The following SLC35F3 variants were observed in gnomAD, a reference collection of about 807,000 sequenced individuals.
SLC35F3 encodes putative thiamine transporter SLC35F3.
SLC35F3 carries 25 observed loss-of-function variants against 49.9 expected under a neutral mutation model. The ratio of observed to expected loss-of-function variants is 0.50; its 90% CI spans 0.37 to 0.70. The LOEUF (loss-of-function observed/expected upper bound fraction) is 0.70, where lower values mean the gene tolerates loss of function less well. Among genes scored for constraint, SLC35F3 ranks in the 30% least tolerant of loss-of-function variants. The pLI, the probability that SLC35F3 is intolerant of heterozygous loss-of-function variation, is 0.00. For missense variants in SLC35F3, 525 were observed against 639.8 expected (o/e 0.82, Z 1.94); for synonymous variants, 275 against 265.4 (o/e 1.04, Z -0.35).
intron 2 of SLC35F3, among the ~76,000 whole-genome samples, chr1:234,048,463 C>T (rs1664325607): frequency 6.6e-6 from 1 of 152,238 alleles, no homozygotes; most frequent in South Asian, 2.1e-4. Flanking sequence ...AACAGTAGAG[C>T]TGTTTGGTTG....
intron 2 of SLC35F3, among the ~76,000 whole-genome samples, chr1:234,179,629 T>C (rs894238972): frequency 1.1e-4 from 16 of 152,230 alleles, no homozygotes; most frequent in African/African-American, 3.6e-4. Context: ...ATAGTCATCC[T>C]ACAGTTAATA....
intron 3 of SLC35F3, among the ~76,000 whole-genome samples, chr1:234,291,623 C>T (rs147367907): frequency 9.3e-4 from 142 of 152,256 alleles, no homozygotes; most frequent in African/African-American, 3.1e-3. Context: ...AGAGGCAGGT[C>T]TCACTCTGTT....
intron 2 of SLC35F3, among the ~76,000 whole-genome samples, chr1:234,140,785 T>G (rs1453434100): frequency 2.0e-5 from 3 of 152,134 alleles, no homozygotes; most frequent in East Asian, 3.8e-4. Context: ...CCTTGCTCAT[T>G]TAAAAAATAA....
chr1:234,034,327 A>T (rs552467256), intron 2 of SLC35F3, among the ~76,000 whole-genome samples: 4 of 152,216 alleles, frequency 2.6e-5, no homozygotes, highest in Non-Finnish European at 4.4e-5. Context: ...ACCAATTTGG[A>T]TGCCCTTTCT....
chr1:233,994,462 G>T (rs543750039), intron 2 of SLC35F3, among the ~76,000 whole-genome samples: 1 of 152,052 alleles, frequency 6.6e-6, no homozygotes, highest in South Asian at 2.1e-4. Context: ...TCAGAGTGTG[G>T]TGTGTATCAG....
chr1:234,100,297 A>G (rs1026786451), intron 2 of SLC35F3, among the ~76,000 whole-genome samples: 2 of 152,140 alleles, frequency 1.3e-5, no homozygotes, highest in African/African-American at 2.4e-5. Context: ...TATTTCTCCA[A>G]CGTCTGCCGA....
At chr1:234,064,166 T>C (rs1217169593) in intron 2 of SLC35F3, among the ~76,000 whole-genome samples, 2 of 152,134 alleles carry the variant, frequency 1.3e-5, no homozygotes, top group African/African-American at 4.8e-5. Context: ...TAGCCCTAGA[T>C]CCCCTCCATT....
At chr1:233,969,472 C>T (rs1383575952) in intron 2 of SLC35F3, among the ~76,000 whole-genome samples, 1 of 152,168 alleles carries the variant, frequency 6.6e-6, no homozygotes, top group African/African-American at 2.4e-5. Flanking sequence ...GCCGTTCCTG[C>T]CTTAGTGTGG....
At chr1:233,914,205 A>G (rs185160349) in intron 2 of SLC35F3, among the ~76,000 whole-genome samples, 41 of 152,220 alleles carry the variant, frequency 2.7e-4, no homozygotes, top group African/African-American at 9.9e-4. Context: ...CTCTCCTCCA[A>G]TTCGAGATTA....
At chr1:233,944,535 C>T (rs144241723) in intron 2 of SLC35F3, among the ~76,000 whole-genome samples, 78 of 152,282 alleles carry the variant, frequency 5.1e-4, no homozygotes, top group Non-Finnish European at 8.7e-4. Flanking sequence ...AGCTCATATC[C>T]ATCGAAGGTG....
chr1:234,148,691 T>A lies in SLC35F3; in HGVS notation c.284-82726T>A, dbSNP rs577621807. Among the ~76,000 whole-genome samples the A allele has an allele frequency of 2.6e-5, 4 of 152,278 alleles. No homozygotes were observed. In the East Asian group the frequency reaches 5.8e-4, roughly 22 times the overall value. On this transcript the variant is annotated intron_variant, in intron 2 of 7. Transcript: ENST00000366618. ...CTGCTTTACAAAGTATAGATGGTGG[T>A]TTGACAAAAACGAAAGCAGGGAGAC...
At chr1:234,001,970 G>A (rs73098501) in intron 2 of SLC35F3, among the ~76,000 whole-genome samples, 2,513 of 152,188 alleles carry the variant, frequency 0.017, 68 homozygotes, top group African/African-American at 0.057. Flanking sequence ...ATTTAAACAA[G>A]TGTGTTTGCT....
At chr1:234,260,850 C>A (rs150753517) in intron 3 of SLC35F3, among the ~76,000 whole-genome samples, 1 of 152,190 alleles carries the variant, frequency 6.6e-6, no homozygotes, top group East Asian at 1.9e-4. Flanking sequence ...AAGAACAAGA[C>A]ACTTTACTGC....
intron 2 of SLC35F3, among the ~76,000 whole-genome samples, chr1:233,950,137 A>C (rs1300172563): frequency 2.0e-5 from 3 of 152,102 alleles, no homozygotes; most frequent in African/African-American, 7.2e-5. Context: ...AGAGAAAATC[A>C]GGTATTTGGG....
At chr1:233,945,693 T>C (rs1662502505) in intron 2 of SLC35F3, among the ~76,000 whole-genome samples, 2 of 152,196 alleles carry the variant, frequency 1.3e-5, no homozygotes, top group Non-Finnish European at 2.9e-5. Flanking sequence ...GTTTCCCCCA[T>C]ACTGTTCTTG....
At chr1:234,301,740 A>AT (rs1398816385) in intron 3 of SLC35F3, among the ~76,000 whole-genome samples, 1 of 152,224 alleles carries the variant, frequency 6.6e-6, no homozygotes, top group Non-Finnish European at 1.5e-5. Flanking sequence ...ACTTGCACAC[A>AT]TATGTTTATT....
chr1:234,262,171 G>A (rs1667914907), intron 3 of SLC35F3, among the ~76,000 whole-genome samples: 1 of 152,176 alleles, frequency 6.6e-6, no homozygotes, highest in African/African-American at 2.4e-5. Flanking sequence ...CAAAGGGGAG[G>A]GAGTTACTTT....
At chr1:233,918,702 G>C (rs1662009871) in intron 2 of SLC35F3, among the ~76,000 whole-genome samples, 1 of 152,034 alleles carries the variant, frequency 6.6e-6, no homozygotes, top group Non-Finnish European at 1.5e-5. Context: ...GGGAGGCGGA[G>C]GTTGCAGTGA....
intron 2 of SLC35F3, among the ~76,000 whole-genome samples, chr1:234,137,711 G>A (rs1303367277): frequency 6.6e-6 from 1 of 152,198 alleles, no homozygotes; most frequent in Non-Finnish European, 1.5e-5. Flanking sequence ...GGAGCTGAAA[G>A]TATGCGTTGG....
Sources: gnomAD v4.1 joint callset for allele counts (sites outside exome capture counted in the v4.1 genomes callset) on GRCh38, gnomAD v4.1.1 for gene constraint, MANE v1.5 for transcripts, NCBI Gene and HGNC (gene_info 2026-07-23, HGNC 2026-07-21) for gene names.